The following CNGB3 variants were observed in gnomAD, a reference collection of about 807,000 sequenced individuals.
CNGB3 encodes cyclic nucleotide-gated channel beta-3.
Under a neutral mutation model 92.8 loss-of-function variants are expected in CNGB3, and 86 were observed. The observed-to-expected ratio is 0.93, with a 90% CI of 0.78 to 1.11. CNGB3 has a LOEUF of 1.11. Ranked by LOEUF, CNGB3 falls within the 50% of genes least tolerant of loss-of-function variation. CNGB3 has a pLI of 0.00. For synonymous variants in CNGB3, 333 were observed against 332.7 expected (o/e 1.00, Z -0.01); for missense variants, 1,026 against 956.8 (o/e 1.07, Z -0.95).
In CNGB3 at chr8:86,592,531, G is replaced by A. The variant is rs540699512; in HGVS notation, c.1781+11562C>T. ...GAAGTCTCAGTTGAGTAACTTGCCT[G>A]GAGATACATAGCTCATAAGTTGTGG... On this transcript the variant is annotated intron_variant, in intron 15 of 17. Coordinates refer to ENST00000320005, the MANE Select transcript of CNGB3 (RefSeq NM_019098.5). Among the ~76,000 whole-genome samples the A allele has an allele frequency of 5.3e-5, 8 of 152,280 alleles. No individual in the cohort carries two copies. In the East Asian group the frequency reaches 1.5e-3, roughly 29 times the overall value.
At chr8:86,652,347 T>C (rs1019124710) in intron 7 of CNGB3, among the ~76,000 whole-genome samples, 2 of 152,026 alleles carry the variant, frequency 1.3e-5, no homozygotes, top group Non-Finnish European at 2.9e-5. Flanking sequence ...TACACTACTG[T>C]AGACTTTATA....
intron 4 of CNGB3, among the ~76,000 whole-genome samples, chr8:86,669,661 A>C (rs963688165): frequency 1.8e-4 from 27 of 152,344 alleles, no homozygotes; most frequent in Admixed American, 1.7e-3. Context: ...TATACAATAC[A>C]CAGTTTATTT....
chr8:86,679,197 T>C (rs1432126952), intron 3 of CNGB3, among the ~76,000 whole-genome samples: 1 of 152,216 alleles, frequency 6.6e-6, no homozygotes. Context: ...ATATTCTGTA[T>C]TCACTTTGAA....
chr8:86,637,376 T>C (rs1259043734), intron 10 of CNGB3, among the ~76,000 whole-genome samples: 3 of 152,202 alleles, frequency 2.0e-5, no homozygotes, highest in African/African-American at 7.2e-5. Flanking sequence ...GTGATATATT[T>C]TGAAATCAGG....
chr8:86,644,680 A>C lies in CNGB3; in HGVS notation c.997T>G (p.Ser333Ala). Residue 333 changes from serine (S) to alanine (A), a missense_variant, in exon 9 of 18, where the codon TCA becomes GCA. Ser to Ala is a moderately conservative substitution (Grantham distance 99, BLOSUM62 1). Coordinates refer to ENST00000320005, the MANE Select transcript of CNGB3 (RefSeq NM_019098.5). Reference sequence around the variant, plus strand: ...AGGTGATGATTAAATTCAAAAAATGAAGTGTACTATATAGAAAAGCAAAAG... The same window carrying C: ...AGGTGATGATTAAATTCAAAAAATGCAGTGTACTATATAGAAAAGCAAAAG... Reference protein sequence around the residue: ...FRANRMLKYTSFFEFNHHLES... With the variant: ...FRANRMLKYTAFFEFNHHLES... 1 of 1,587,590 alleles carries C rather than the reference A, an allele frequency of 6.3e-7. No individual in the cohort carries two copies. Among genetic ancestry groups the C allele is most frequent in the Non-Finnish European group, 8.6e-7 (1 of 1,163,460 alleles).
intron 2 of CNGB3, among the ~76,000 whole-genome samples, chr8:86,735,439 A>G (rs1204869019): frequency 1.3e-5 from 2 of 152,178 alleles, no homozygotes; most frequent in Non-Finnish European, 1.5e-5. Flanking sequence ...GCTGTAATCT[A>G]TCACCATAAA....
At chr8:86,711,167 G>GA (rs1015621789) in intron 3 of CNGB3, among the ~76,000 whole-genome samples, 4 of 152,064 alleles carry the variant, frequency 2.6e-5, no homozygotes, top group Non-Finnish European at 5.9e-5. Context: ...GGCTCTTTGC[G>GA]AAAGGAAGGA....
At chr8:86,657,942 C>T (rs1823547018) in intron 6 of CNGB3, 5 of 552,154 alleles carry the variant, frequency 9.1e-6, no homozygotes, top group South Asian at 2.8e-5. Flanking sequence ...ATGCCCTGGC[C>T]TCCCCCTCAC....
At chr8:86,645,965 G>A (rs185951036) in intron 8 of CNGB3, among the ~76,000 whole-genome samples, 2 of 151,036 alleles carry the variant, frequency 1.3e-5, no homozygotes, top group African/African-American at 2.4e-5. Flanking sequence ...TGGACTATGG[G>A]GCTTTGAAAA....
At chr8:86,731,591 A>C (rs1402056855) in intron 2 of CNGB3, among the ~76,000 whole-genome samples, 2 of 152,148 alleles carry the variant, frequency 1.3e-5, no homozygotes, top group Non-Finnish European at 2.9e-5. Flanking sequence ...CATCTAGAAA[A>C]CACATTTTAT....
chr8:86,695,979 A>T (rs1824442669), intron 3 of CNGB3, among the ~76,000 whole-genome samples: 1 of 152,028 alleles, frequency 6.6e-6, no homozygotes, highest in Non-Finnish European at 1.5e-5. Flanking sequence ...AATGTCTGAA[A>T]AGTGTCCTGT....
chr8:86,641,462 G>T (rs935623417), intron 10 of CNGB3, among the ~76,000 whole-genome samples: 1 of 151,762 alleles, frequency 6.6e-6, no homozygotes, highest in Non-Finnish European at 1.5e-5. Flanking sequence ...CCTCTCTTGG[G>T]GTCTGGATCA....
intron 3 of CNGB3, among the ~76,000 whole-genome samples, chr8:86,696,841 GT>G (rs1824458832): frequency 6.6e-6 from 1 of 151,708 alleles, no homozygotes; most frequent in African/African-American, 2.4e-5. Flanking sequence ...CTTTTAATCC[GT>G]TCAGCCACAG....
intron 3 of CNGB3, among the ~76,000 whole-genome samples, chr8:86,694,167 G>A (rs1824387946): frequency 1.4e-5 from 2 of 139,074 alleles, no homozygotes; most frequent in South Asian, 4.6e-4. Flanking sequence ...GGCTGGCCGG[G>A]CGGGGGGCTG....
Position 86,657,825 on chromosome 8 carries a change from G to A in CNGB3, c.853-3763C>T, listed in dbSNP as rs764928080. ...GCTGATGTATTCCTTCTGGTGCCAC[G>A]TCTTCAGCACTGACCTCTAGCTCTG... On this transcript the variant is annotated intron_variant, in intron 6 of 17. Coordinates refer to ENST00000320005, the MANE Select transcript of CNGB3 (RefSeq NM_019098.5). 20 of 511,112 alleles carry A rather than the reference G, an allele frequency of 3.9e-5. 1 individual carries two copies. Among genetic ancestry groups the A allele is most frequent in the African/African-American group, 1.7e-4 (9 of 51,536 alleles). 31.7% of individuals were successfully genotyped at this position (511,112 alleles called of 1,614,324 possible). A position where few individuals can be genotyped will look rare whatever the true frequency, so the allele number is the denominator to read the frequency against.
chr8:86,643,413 T>G (rs1424570977), intron 10 of CNGB3, among the ~76,000 whole-genome samples: 2 of 151,534 alleles, frequency 1.3e-5, no homozygotes, highest in East Asian at 3.9e-4. Context: ...AATCCACTTT[T>G]CTTTATGCGC....
chr8:86,735,042 G>GGTTTTTTTTTTTTTTTTTTTTTTTTT (rs1554618958), intron 2 of CNGB3, among the ~76,000 whole-genome samples: 1 of 85,872 alleles, frequency 1.2e-5, no homozygotes, highest in African/African-American at 4.9e-5. Flanking sequence ...AATGCCGGTG[G>GGTTTTTTTTTTTTTTTTTTTTTTTTT]TTTTTTTTTT....
At chr8:86,604,242 G>T in intron 14 of CNGB3, 31 bp from the exon 15 acceptor site, 1 of 1,342,952 alleles carries the variant, frequency 7.4e-7, no homozygotes, top group Non-Finnish European at 1.1e-6. Context: ...GGAAATGGTA[G>T]TTACTTTATT....
rs759748892 is a variant in CNGB3 at position 86,654,024 on chromosome 8, AGAAGT to A, written c.886_890del (p.Thr296TyrfsTer14). 185 of 1,601,244 alleles carry A rather than the reference AGAAGT, an allele frequency of 1.2e-4. No individual in the cohort carries two copies. Among genetic ancestry groups the A allele is most frequent in the Non-Finnish European group, 1.5e-4 (173 of 1,168,480 alleles). On this transcript the variant is annotated frameshift_variant, in exon 7 of 18. Transcript: ENST00000320005. LOFTEE classifies it high-confidence loss of function. ...GTTTGTCACCTACCTGAAATTTTGT[AGAAGT>A]CCTGTAGTGTTTCCTTAGCTCATTT...
Sources: allele counts gnomAD v4.1 joint callset (sites outside exome capture counted in the v4.1 genomes callset), GRCh38; gene constraint gnomAD v4.1.1; transcripts MANE v1.5; gene names NCBI Gene and HGNC (gene_info 2026-07-23, HGNC 2026-07-21).